The following PATZ1 variants were observed in gnomAD, a reference collection of about 807,000 sequenced individuals.
PATZ1 encodes the protein POZ-, AT hook-, and zinc finger-containing protein 1.
In PATZ1, 9 loss-of-function variants were observed where a neutral mutation model predicts 46.2. That is an observed-to-expected ratio of 0.19 (90% CI 0.12 to 0.34). PATZ1 has a LOEUF of 0.34. PATZ1 is among the 10% of genes least tolerant of loss of function. The pLI is 1.00. For missense variants in PATZ1, 632 were observed against 923.0 expected, an observed-to-expected ratio of 0.68 and a Z score of 4.08; for synonymous variants, 426 against 378.6, an observed-to-expected ratio of 1.13 and a Z score of -1.45.
intron 3 of PATZ1, among the ~76,000 whole-genome samples, chr22:31,332,327 T>C (rs1258961436): frequency 1.3e-5 from 2 of 152,206 alleles, no homozygotes; most frequent in Non-Finnish European, 2.9e-5. Context: ...AATACGTCTT[T>C]GAAGCCAGAC....
At position 31,345,588 on chromosome 22, in the gene PATZ1, G is replaced by T. The variant is rs769145099; in HGVS notation, c.15C>A (p.Asn5Lys). 6.3e-7 allele frequency: 1 copy of T among 1,592,154 alleles called. No homozygotes were observed. Among genetic ancestry groups the T allele is most frequent in the Non-Finnish European group, 8.6e-7 (1 of 1,164,224 alleles). The change falls in exon 1 of 5, where the codon AAC becomes AAA. Residue 5 changes from asparagine (N) to lysine (K), a missense_variant. By Grantham distance (94) the Asn-to-Lys change is moderately conservative. This residue lies in a region of PATZ1 where 30 missense variants were observed against 27.7 expected (regional missense o/e 1.08). Coordinates refer to ENST00000266269, the MANE Select transcript of PATZ1 (RefSeq NM_014323.3). The surrounding 1 kb of genome is among the most constrained non-coding windows in gnomAD (Gnocchi z 7.4). MERV[N>K]DASCGPSGCY... Reference sequence around the variant, plus strand: ...AGCCAGACGGGCCGCACGAAGCGTCGTTCACCCGCTCCATGGCCGCCGCCC... The same window carrying T: ...AGCCAGACGGGCCGCACGAAGCGTCTTTCACCCGCTCCATGGCCGCCGCCC...
chr22:31,341,245 A>G, intron 2 of PATZ1: 2 of 1,391,854 alleles, frequency 1.4e-6, no homozygotes, highest in Admixed American at 5.6e-5. Context: ...TGCTACCCCC[A>G]TTTGGGGGCT....
chr22:31,326,888 G>A lies in PATZ1; in HGVS notation c.*3C>T. ...TTGTTTCCGTGGGGACACAGCAGCT[G>A]CCTCATTTCCCTTCAGGCCCCATGG... On this transcript the variant is annotated 3_prime_UTR_variant, in exon 5 of 5. Coordinates refer to ENST00000266269, the MANE Select transcript of PATZ1 (RefSeq NM_014323.3). The A allele has an allele frequency of 1.2e-6, 2 of 1,607,140 alleles. No individual in the cohort carries two copies. Among genetic ancestry groups the A allele is most frequent in the Non-Finnish European group, 1.7e-6 (2 of 1,175,728 alleles).
intron 2 of PATZ1, among the ~76,000 whole-genome samples, chr22:31,336,518 C>G (rs2049511225): frequency 6.6e-6 from 1 of 152,040 alleles, no homozygotes; most frequent in Non-Finnish European, 1.5e-5. Context: ...TCAAAAGTGT[C>G]TGTGGGCCGG....
At chr22:31,334,494 G>A (rs915780525) in intron 3 of PATZ1, among the ~76,000 whole-genome samples, 1 of 152,152 alleles carries the variant, frequency 6.6e-6, no homozygotes, top group Non-Finnish European at 1.5e-5. Context: ...CATGAACACA[G>A]CACAGGCACC....
chr22:31,343,012 A>G, intron 1 of PATZ1, 52 bp from the exon 2 acceptor site: 1 of 1,612,206 alleles, frequency 6.2e-7, no homozygotes, highest in Non-Finnish European at 8.5e-7. Context: ...AGACCCCACC[A>G]CACAGGCACA....
At position 31,341,573 on chromosome 22, in the gene PATZ1, A is replaced by G. The variant is rs149405236; in HGVS notation, c.1335+1324T>C. ...TTAGAGAAAGGGAAAAGGCGGTGTC[A>G]GGAACCGAATGGGACGACCTCCACA... On this transcript the variant is annotated intron_variant, in intron 2 of 4. Coordinates refer to ENST00000266269, the MANE Select transcript of PATZ1 (RefSeq NM_014323.3). 10,442 of 1,614,174 alleles carry G rather than the reference A, an allele frequency of 6.5e-3. 52 individuals carry two copies. The highest frequency in any genetic ancestry group is 0.016 in the South Asian group (1,444 of 91,090).
chr22:31,344,698 G>A lies in PATZ1; in HGVS notation c.905C>T (p.Thr302Ile), dbSNP rs2049626269. ...GTGCTGCCGGAGCCGGTTGGCATCA[G>A]TGAACACCTTACCACATAGACCGCA... ...LPCGLCGKVF[T>I]DANRLRQHEA... Residue 302 changes from threonine to isoleucine, a missense_variant, in exon 1 of 5, where the codon ACT becomes ATT. This residue lies in a region of PATZ1 where 279 missense variants were observed against 284.3 expected (regional missense o/e 0.98). Transcript: ENST00000266269. The A allele has an allele frequency of 6.2e-7, 1 of 1,613,658 alleles. No homozygotes were observed. The highest frequency in any genetic ancestry group is 8.5e-7 in the Non-Finnish European group (1 of 1,179,944).
intron 2 of PATZ1, among the ~76,000 whole-genome samples, chr22:31,336,935 C>T (rs927692792): frequency 4.6e-5 from 7 of 151,386 alleles, no homozygotes; most frequent in Non-Finnish European, 1.0e-4. Flanking sequence ...CGGTGAAACT[C>T]GGTCTCTACT....
chr22:31,327,273 C>T lies in PATZ1; in HGVS notation c.1682G>A (p.Ser561Asn), dbSNP rs1196012954. ...QKCSHQDPIESSDSYGDLSDA... is the reference protein window; with the variant it reads ...QKCSHQDPIENSDSYGDLSDA... ...TGAGAGGTCACCATAGGAGTCAGAG[C>T]TCTCAATCGGATCCTGATGTGAGCA... is the stretch of plus-strand genomic sequence containing the variant. Residue 561 changes from serine to asparagine, a missense_variant, in exon 5 of 5, where the codon AGC becomes AAC. By Grantham distance (46) the Ser-to-Asn change is conservative. This residue lies in a region of PATZ1 where 176 missense variants were observed against 249.4 expected (regional missense o/e 0.71). Coordinates refer to ENST00000266269, the MANE Select transcript of PATZ1 (RefSeq NM_014323.3). This position sits in a 1 kb window ranked among gnomAD's most constrained non-coding sequence, Gnocchi z 4.2. 2.5e-6 allele frequency: 4 copies of T among 1,614,046 alleles called. No homozygotes were observed. Among genetic ancestry groups the T allele is most frequent in the Non-Finnish European group, 2.5e-6 (3 of 1,180,036 alleles).
At chr22:31,329,123 G>A (rs1355025615) in intron 3 of PATZ1, among the ~76,000 whole-genome samples, 199 bp from the exon 4 acceptor site, 1 of 152,164 alleles carries the variant, frequency 6.6e-6, no homozygotes, top group Non-Finnish European at 1.5e-5. Flanking sequence ...TCCACAAATC[G>A]GCTTCTCTGC....
intron 3 of PATZ1, among the ~76,000 whole-genome samples, chr22:31,331,342 TC>T (rs1241273520): frequency 2.0e-4 from 27 of 137,996 alleles, no homozygotes. Flanking sequence ...GGTAATTTTT[TC>T]CTTTTTTTTT....
rs201843871 is a variant in PATZ1, at chr22:31,342,904, T to C, written c.1328A>G (p.Lys443Arg). The change falls in exon 2 of 5, where the codon AAG (lysine) becomes AGG (arginine). Residue 443 changes from lysine to arginine, a missense_variant. Physicochemically the swap from Lys to Arg is conservative, Grantham distance 26. This residue lies in a region of PATZ1 where 55 missense variants were observed against 169.0 expected (regional missense o/e 0.33). Coordinates refer to ENST00000266269, the MANE Select transcript of PATZ1 (RefSeq NM_014323.3). ...KQVHTSERPH[K>R]CQTCNASFAT... is the part of the protein sequence containing the mutation. ...CCCTGACCCAGCCCCTACCTGACAC[T>C]TGTGAGGCCGCTCAGAAGTGTGCAC... 1.9e-6 allele frequency: 3 copies of C among 1,613,996 alleles called. No homozygotes were observed. Among genetic ancestry groups the C allele is most frequent in the Non-Finnish European group, 8.5e-7 (1 of 1,179,904 alleles).
Position 31,341,351 on chromosome 22 carries a change from C to T in PATZ1, c.1335+1546G>A, listed in dbSNP as rs918159782. The T allele has an allele frequency of 6.6e-6, 10 of 1,506,294 alleles. No homozygotes were observed. In the Middle Eastern group the frequency reaches 7.4e-4, roughly 111 times the overall value. 93.3% of individuals were successfully genotyped at this position (1,506,294 alleles called of 1,614,324 possible). A position where few individuals can be genotyped will look rare whatever the true frequency, so the allele number is the denominator to read the frequency against. ...CTCTCCCAAAAGCAGGGGTCTCAGG[C>T]CAAATGCCCCTCCTGTTCCCTTCCA... is the stretch of plus-strand genomic sequence containing the variant. On this transcript the variant is annotated intron_variant, in intron 2 of 4. Transcript: ENST00000266269.
rs192429687 is a variant in PATZ1, at chr22:31,332,422, C to T, written c.1507+3270G>A. On this transcript the variant is annotated intron_variant, in intron 3 of 4. Coordinates refer to ENST00000266269, the MANE Select transcript of PATZ1 (RefSeq NM_014323.3). ...AGAGGCAGCTTGATCCAGCCATCCA[C>T]GCAATGGAGATGCTGAGCACACATA... Among the ~76,000 whole-genome samples the T allele has an allele frequency of 3.9e-4, 59 of 152,322 alleles. No homozygotes were observed. In the East Asian group the frequency reaches 4.8e-3, roughly 12 times the overall value.
At chr22:31,341,282 C>T (rs1569027953) in intron 2 of PATZ1, 1 of 1,442,960 alleles carries the variant, frequency 6.9e-7, no homozygotes, top group African/African-American at 1.4e-5. Context: ...TCCGAGTCAC[C>T]CAGGGAGGAG....
Position 31,345,864 on chromosome 22 carries a change from C to T in PATZ1, c.-262G>A. ...CCACTCTCTCCTCTCCGCCCGCCCG[C>T]CTCCCCTTCCCGGTCTACCTTCCGG... On this transcript the variant is annotated 5_prime_UTR_variant, in exon 1 of 5. Coordinates refer to ENST00000266269, the MANE Select transcript of PATZ1 (RefSeq NM_014323.3). The surrounding 1 kb of genome is among the most constrained non-coding windows in gnomAD (Gnocchi z 7.4). The T allele has an allele frequency of 2.5e-6, 1 of 397,166 alleles. No homozygotes were observed. 24.6% of individuals were successfully genotyped at this position (397,166 alleles called of 1,614,324 possible).
chr22:31,343,057 C>T, intron 1 of PATZ1, 97 bp from the exon 2 acceptor site: 1 of 1,559,458 alleles, frequency 6.4e-7, no homozygotes, highest in Non-Finnish European at 8.7e-7. Flanking sequence ...CACACACTCA[C>T]TGCTGGAAAG....
At position 31,344,398 on chromosome 22, in the gene PATZ1, A is replaced by G. The variant is rs748646348; in HGVS notation, c.1205T>C (p.Val402Ala). Residue 402 changes from valine to alanine, a missense_variant, in exon 1 of 5, where the codon GTG (valine) becomes GCG (alanine). Physicochemically the swap from Val to Ala is moderately conservative, Grantham distance 64 (BLOSUM62 0). Around this residue, in one of 7 missense-constraint regions of PATZ1, gnomAD observed 55 missense variants for 169.0 expected, o/e 0.33. Coordinates refer to ENST00000266269, the MANE Select transcript of PATZ1 (RefSeq NM_014323.3). The part of the protein sequence containing the change: ...FKRKDRMSYH[V>A]RSHDGSVGKP... ...GCCCACGGACCCATCATGGGACCGC[A>G]CATGGTAGGACATGCGGTCTTTTCT... 1 of 1,614,186 alleles carries G rather than the reference A, an allele frequency of 6.2e-7. No individual in the cohort carries two copies. The highest frequency in any genetic ancestry group is 8.5e-7 in the Non-Finnish European group (1 of 1,180,006).
Sources: allele counts gnomAD v4.1 joint callset (sites outside exome capture counted in the v4.1 genomes callset), GRCh38; gene constraint gnomAD v4.1.1; regional missense constraint gnomAD v4.1.1; non-coding constraint Gnocchi (gnomAD v3.1); transcripts MANE v1.5; gene names NCBI Gene and HGNC (gene_info 2026-07-23, HGNC 2026-07-21).